The following DYNC1LI1 variants were observed in gnomAD, a reference collection of about 807,000 sequenced individuals.
The protein encoded by DYNC1LI1 is dynein cytoplasmic 1 light intermediate chain 1, also known as cytoplasmic dynein 1 light intermediate chain 1.
DYNC1LI1 carries 19 observed loss-of-function variants against 63.8 expected under a neutral mutation model. The observed-to-expected ratio is 0.30, with a 90% confidence interval of 0.21 to 0.44. The LOEUF (loss-of-function observed/expected upper bound fraction) is 0.44, where lower values mean the gene tolerates loss of function less well. DYNC1LI1 is among the 20% of genes least tolerant of loss of function. The probability of loss-of-function intolerance (pLI) is 1.00; values close to 1 mark genes in which losing one functional copy is unlikely to be tolerated. For synonymous variants in DYNC1LI1, 225 were observed against 232.3 expected (o/e 0.97, Z 0.28); for missense variants, 565 against 630.2 (o/e 0.90, Z 1.11).
At chr3:32,527,035 A>G in intron 12 of DYNC1LI1, 127 bp from the exon 13 acceptor site, 1 of 617,058 alleles carries the variant, frequency 1.6e-6, no homozygotes, top group Non-Finnish European at 2.7e-6. Flanking sequence ...AAGTTATACA[A>G]ACAACACTTA....
intron 2 of DYNC1LI1, among the ~76,000 whole-genome samples, chr3:32,560,189 C>T (rs1239313506): frequency 1.3e-5 from 2 of 152,212 alleles, no homozygotes; most frequent in East Asian, 3.9e-4. Flanking sequence ...AATCCCAAAA[C>T]TTATGGAGGC....
chr3:32,562,262 C>T (rs1164010358), intron 2 of DYNC1LI1, among the ~76,000 whole-genome samples: 1 of 152,158 alleles, frequency 6.6e-6, no homozygotes, highest in Non-Finnish European at 1.5e-5. Context: ...GACTTTCTCT[C>T]TAAAACATAA....
chr3:32,534,319 A>T (rs1003220017), intron 7 of DYNC1LI1, among the ~76,000 whole-genome samples, 192 bp downstream of exon 7: 1 of 152,226 alleles, frequency 6.6e-6, no homozygotes, highest in Non-Finnish European at 1.5e-5. Context: ...GGCTCAGGCC[A>T]GCAGTAAATC....
chr3:32,555,460 C>A (rs889973569), intron 2 of DYNC1LI1, among the ~76,000 whole-genome samples: 2 of 152,216 alleles, frequency 1.3e-5, no homozygotes, highest in Admixed American at 1.3e-4. Flanking sequence ...TCTGAGGTAT[C>A]TGCAAAGATG....
At chr3:32,567,544 T>TTAC (rs899683479) in intron 2 of DYNC1LI1, among the ~76,000 whole-genome samples, 1 of 151,080 alleles carries the variant, frequency 6.6e-6, no homozygotes, top group African/African-American at 2.4e-5. Flanking sequence ...ATTATTATTA[T>TTAC]TATTATTATT....
intron 2 of DYNC1LI1, among the ~76,000 whole-genome samples, chr3:32,549,395 T>G (rs1232859773): frequency 1.3e-5 from 2 of 151,880 alleles, no homozygotes; most frequent in Non-Finnish European, 1.5e-5. Context: ...AAAAGGAGCC[T>G]GAATCTGTTC....
chr3:32,533,180 C>T, intron 7 of DYNC1LI1, 83 bp from the exon 8 acceptor site: 2 of 1,433,136 alleles, frequency 1.4e-6, no homozygotes, highest in Non-Finnish European at 1.8e-6. Context: ...AAAAGGAATA[C>T]TTTCATGAAG....
chr3:32,564,423 G>C lies in DYNC1LI1; in HGVS notation c.220+5923C>G. 1.3e-5 allele frequency among the ~76,000 whole-genome samples: 2 copies of C among 152,188 alleles called. 1 individual carries two copies. Among genetic ancestry groups the C allele is most frequent in the East Asian group, 3.8e-4 (2 of 5,206 alleles). On this transcript the variant is annotated intron_variant, in intron 2 of 12. Coordinates refer to ENST00000273130, the MANE Select transcript of DYNC1LI1 (RefSeq NM_016141.4). ...CTGTTTTTATAAATAAAGTTTTATTGAAACAAGCCTGTACCCATTCATTTA... is the reference window on the plus strand; with the variant it reads ...CTGTTTTTATAAATAAAGTTTTATTCAAACAAGCCTGTACCCATTCATTTA...
In DYNC1LI1 at chr3:32,530,331, G is replaced by GAAAAAA. The variant is rs35467710; in HGVS notation, c.1141-9_1141-4dup. On this transcript the variant is annotated splice_region_variant and splice_polypyrimidine_tract_variant and intron_variant, in intron 9 of 12. Coordinates refer to ENST00000273130, the MANE Select transcript of DYNC1LI1 (RefSeq NM_016141.4). Reference sequence around the variant, plus strand: ...GGTGGTTGCTTTGCTAAAAGGGACTGAAAAAAAAAAAAAAAAAGAATCCTA... The same window carrying GAAAAAA: ...GGTGGTTGCTTTGCTAAAAGGGACTGAAAAAAAAAAAAAAAAAAAAAAAGAATCCTA... The GAAAAAA allele has an allele frequency of 1.4e-6, 2 of 1,426,426 alleles. No individual in the cohort carries two copies. Among genetic ancestry groups the GAAAAAA allele is most frequent in the South Asian group, 1.3e-5 (1 of 79,006 alleles). The allele number at this position is 1,426,426 out of a possible 1,614,324, so 88.4% of individuals were successfully genotyped here.
Position 32,570,802 on chromosome 3 carries a change from ACTAAAT to A in DYNC1LI1, c.-38_-33del, listed in dbSNP as rs746045585. 95 of 1,588,250 alleles carry A rather than the reference ACTAAAT, an allele frequency of 6.0e-5. No homozygotes were observed. The highest frequency in any genetic ancestry group is 7.9e-5 in the Non-Finnish European group (92 of 1,165,184). On this transcript the variant is annotated 5_prime_UTR_variant, in exon 1 of 13. Coordinates refer to ENST00000273130, the MANE Select transcript of DYNC1LI1 (RefSeq NM_016141.4). ...CGGGAATCACACCACTCCCGGCAAG[ACTAAAT>A]GTGCGAGGCGGCTGAGGCGGTGGCG...
intron 5 of DYNC1LI1, 47 bp downstream of exon 5, chr3:32,540,990 C>A (rs1238138922): frequency 9.0e-6 from 13 of 1,436,756 alleles, no homozygotes; most frequent in South Asian, 1.5e-5. Context: ...AACAGTTGTT[C>A]ATCCTCAGTG....
intron 2 of DYNC1LI1, among the ~76,000 whole-genome samples, chr3:32,568,706 C>T (rs937239808): frequency 1.3e-5 from 2 of 152,066 alleles, no homozygotes; most frequent in East Asian, 1.9e-4. Flanking sequence ...GAATCATCTA[C>T]ACAATATCTA....
At chr3:32,553,889 G>A (rs776906998) in intron 2 of DYNC1LI1, among the ~76,000 whole-genome samples, 1 of 152,228 alleles carries the variant, frequency 6.6e-6, no homozygotes, top group Admixed American at 6.5e-5. Context: ...CAACAGTGCT[G>A]GTGTCTTTAG....
chr3:32,553,735 T>C (rs1472624713), intron 2 of DYNC1LI1, among the ~76,000 whole-genome samples: 1 of 152,200 alleles, frequency 6.6e-6, no homozygotes, highest in Admixed American at 6.5e-5. Flanking sequence ...ACAACAACTC[T>C]GAGGGGCGTG....
intron 2 of DYNC1LI1, among the ~76,000 whole-genome samples, chr3:32,559,597 TG>T (rs1489712559): frequency 1.3e-5 from 2 of 152,148 alleles, no homozygotes; most frequent in Admixed American, 6.5e-5. Context: ...ACAGGAATTG[TG>T]AAAAATCAGT....
intron 2 of DYNC1LI1, among the ~76,000 whole-genome samples, chr3:32,558,481 G>C (rs1698146510): frequency 6.6e-6 from 1 of 150,998 alleles, no homozygotes; most frequent in African/African-American, 2.4e-5. Context: ...AGTACAGGGT[G>C]ATACTGCTTT....
At chr3:32,559,639 T>C (rs1340456656) in intron 2 of DYNC1LI1, among the ~76,000 whole-genome samples, 2 of 152,128 alleles carry the variant, frequency 1.3e-5, no homozygotes, top group African/African-American at 4.8e-5. Context: ...GAACACATAA[T>C]ACTTTAATGA....
chr3:32,528,425 A>C, intron 12 of DYNC1LI1, 21 bp downstream of exon 12: 1 of 1,613,768 alleles, frequency 6.2e-7, no homozygotes. Context: ...TAAACAAGTG[A>C]CTTGCTTCCC....
intron 1 of DYNC1LI1, 60 bp from the exon 2 acceptor site, chr3:32,570,479 G>C: frequency 6.7e-7 from 1 of 1,502,132 alleles, no homozygotes; most frequent in Non-Finnish European, 8.9e-7. Flanking sequence ...CGGGAGGGAC[G>C]GACCCGGCCT....
Sources: allele counts gnomAD v4.1 joint callset (sites outside exome capture counted in the v4.1 genomes callset), GRCh38; gene constraint gnomAD v4.1.1; transcripts MANE v1.5; gene names NCBI Gene and HGNC (gene_info 2026-07-23, HGNC 2026-07-21).